KIF1A: variants seen among roughly 807,000 people sequenced by gnomAD.
KIF1A encodes the protein kinesin family member 1A, also known as kinesin-like protein KIF1A.
In KIF1A, 46 loss-of-function variants were observed where a neutral mutation model predicts 227.3. The observed-to-expected ratio is 0.20, with a 90% CI of 0.16 to 0.26. The LOEUF is 0.26. KIF1A is among the 10% of genes least tolerant of loss of function. KIF1A has a pLI of 1.00. For missense variants in KIF1A, 1,683 were observed against 2,485.9 expected (o/e 0.68, Z 6.87); for synonymous variants, 1,022 against 1,012.8 (o/e 1.01, Z -0.17).
At chr2:240,782,058 G>A in intron 10 of KIF1A, 1 of 985,330 alleles carries the variant, frequency 1.0e-6, no homozygotes, top group Non-Finnish European at 1.2e-6. Flanking sequence ...CGTTCCTGCC[G>A]GTCCCTCGAA....
chr2:240,719,048 A>G lies in KIF1A; in HGVS notation c.5172T>C (p.Thr1724=). The change falls in exon 47 of 49, where the codon ACT becomes ACC. Residue 1724 remains threonine, a synonymous_variant. Transcript: ENST00000498729. The part of the protein sequence containing the change: ...TVERFVLNLA[T]AQVEYSEDQQ... Reference sequence around the variant, plus strand: ...GGTCCTCACTGTACTCCACCTGGGCAGTGGCCAGGTTGAGCACGAACCGCT... The same window carrying G: ...GGTCCTCACTGTACTCCACCTGGGCGGTGGCCAGGTTGAGCACGAACCGCT... 6.2e-7 allele frequency: 1 copy of G among 1,611,920 alleles called. No homozygotes were observed. Among genetic ancestry groups the G allele is most frequent in the Non-Finnish European group, 8.5e-7 (1 of 1,179,350 alleles).
chr2:240,743,324 C>CT (rs1408400167), intron 33 of KIF1A, among the ~76,000 whole-genome samples: 7 of 152,200 alleles, frequency 4.6e-5, no homozygotes, highest in African/African-American at 1.7e-4. Context: ...CCAGTCCTGC[C>CT]TGACAGCTGA....
chr2:240,727,393 T>A (rs1235840209), intron 38 of KIF1A, among the ~76,000 whole-genome samples: 1 of 152,086 alleles, frequency 6.6e-6, no homozygotes, highest in Non-Finnish European at 1.5e-5. Flanking sequence ...GGGCAGAGCC[T>A]GCGCGGGCCC....
chr2:240,734,897 C>A (rs1309261110), intron 38 of KIF1A, among the ~76,000 whole-genome samples: 1 of 152,168 alleles, frequency 6.6e-6, no homozygotes, highest in South Asian at 2.1e-4. Context: ...GGGCAGGAGG[C>A]AAGGCCATGG....
At position 240,775,795 on chromosome 2, in the gene KIF1A, G is replaced by T; in HGVS notation, c.958+56C>A. The T allele has an allele frequency of 1.7e-6, 2 of 1,202,236 alleles. No homozygotes were observed. The highest frequency in any genetic ancestry group is 2.5e-6 in the Non-Finnish European group (2 of 805,148). The allele number at this position is 1,202,236 out of a possible 1,614,324, so 74.5% of individuals were successfully genotyped here. On this transcript the variant is annotated intron_variant, in intron 11 of 48. Coordinates refer to ENST00000498729, the MANE Select transcript of KIF1A (RefSeq NM_001244008.2). This position sits in a 1 kb window ranked among gnomAD's most constrained non-coding sequence, Gnocchi z 5.5. ...GGCACCCCCTCAGTGGGGAAGAAGG[G>T]CACAGCCCAGGGTGGGATCAGAGCC...
chr2:240,746,249 A>G (rs532605701), intron 29 of KIF1A, 72 bp from the exon 30 acceptor site: 16 of 1,518,008 alleles, frequency 1.1e-5, no homozygotes, highest in African/African-American at 2.8e-5. Flanking sequence ...ACCCTGCCAC[A>G]GGCCCACGGG....
chr2:240,818,647 C>T (rs2058496339), intron 1 of KIF1A: 1 of 152,768 alleles, frequency 6.5e-6, no homozygotes, highest in South Asian at 2.1e-4. Flanking sequence ...CCCACGTGGA[C>T]CCCAGAGCTT....
At position 240,718,174 on chromosome 2, in the gene KIF1A, G is replaced by A; in HGVS notation, c.5215-6C>T. The A allele has an allele frequency of 3.2e-6, 5 of 1,585,566 alleles. No individual in the cohort carries two copies. The highest frequency in any genetic ancestry group is 3.4e-6 in the Non-Finnish European group (4 of 1,163,812). ...ACCGCGAATGTGTTGGGTGTCTGCA[G>A]AGGGAGGCAGCTGGTGAGGAGGTGC... On this transcript the variant is annotated splice_polypyrimidine_tract_variant and splice_region_variant and intron_variant, in intron 47 of 48. Coordinates refer to ENST00000498729, the MANE Select transcript of KIF1A (RefSeq NM_001244008.2).
Position 240,722,035 on chromosome 2 carries a change from G to A in KIF1A, c.4666-151C>T, listed in dbSNP as rs377127167. On this transcript the variant is annotated intron_variant, in intron 43 of 48. Transcript: ENST00000498729. ...TCAAGGTGGGCAGCACCTCCACCCC[G>A]CCCAGGTCATCGGGTGAGCCCAGGA... is the stretch of plus-strand genomic sequence containing the variant. Among the ~76,000 whole-genome samples, 15 of 152,152 alleles carry A rather than the reference G, an allele frequency of 9.9e-5. No homozygotes were observed. In the East Asian group the frequency reaches 1.4e-3, roughly 14 times the overall value.
At chr2:240,781,843 C>T (rs1039455312) in intron 10 of KIF1A, 8 of 985,294 alleles carry the variant, frequency 8.1e-6, no homozygotes, top group East Asian at 1.1e-4. Flanking sequence ...TCAGTCCACA[C>T]GCCTTCTCCC....
chr2:240,725,468 C>A lies in KIF1A; in HGVS notation c.4123-64G>T. ...CCCGAGTGCCCAGGTGCCCTTCCAG[C>A]CTTCTCCTGGGGGCACAATGCCCAG... On this transcript the variant is annotated intron_variant, in intron 39 of 48. Transcript: ENST00000498729. This position sits in a 1 kb window ranked among gnomAD's most constrained non-coding sequence, Gnocchi z 5.8. 1 of 1,571,992 alleles carries A rather than the reference C, an allele frequency of 6.4e-7. No homozygotes were observed.
chr2:240,715,488 G>A lies in KIF1A; in HGVS notation c.*1876C>T, dbSNP rs1260192238. ...CCGCACCTGAGCCCAGGTACGAAAA[G>A]GCGAGCCCACAGTCCCAGCTCCCAA... On this transcript the variant is annotated 3_prime_UTR_variant, in exon 49 of 49. Transcript: ENST00000498729. 2 of 152,292 alleles carry A rather than the reference G, an allele frequency of 1.3e-5. No individual in the cohort carries two copies. The highest frequency in any genetic ancestry group is 2.4e-5 in the African/African-American group (1 of 41,426). 9.4% of individuals were successfully genotyped at this position (152,292 alleles called of 1,614,324 possible).
At position 240,775,907 on chromosome 2, in the gene KIF1A, GTCT is replaced by G. The variant is rs751165127; in HGVS notation, c.899_901del (p.Lys300del). On this transcript the variant is annotated inframe_deletion, in exon 11 of 49. Transcript: ENST00000498729. This position sits in a 1 kb window ranked among gnomAD's most constrained non-coding sequence, Gnocchi z 5.5. ...GGAATCTCGGTACGGAATGAAATCT[GTCT>G]TCTTCTTTTTCTTGTTCTGTGGGGG... 6 of 1,611,094 alleles carry G rather than the reference GTCT, an allele frequency of 3.7e-6. No individual in the cohort carries two copies. Among genetic ancestry groups the G allele is most frequent in the Admixed American group, 1.7e-5 (1 of 60,010 alleles).
At chr2:240,805,673 A>T (rs1281001602) in intron 1 of KIF1A, among the ~76,000 whole-genome samples, 3 of 152,200 alleles carry the variant, frequency 2.0e-5, no homozygotes, top group Admixed American at 2.0e-4. Flanking sequence ...AGAAAATTAG[A>T]GCAACATTCT....
rs539512868 is a variant in KIF1A at position 240,734,173 on chromosome 2, C to A, written c.4007+2890G>T. ...CTGGCCTGGCCAGGTGAGGGACTCA[C>A]GAGAGGCTGTGGAATGTGCCGGAGT... On this transcript the variant is annotated intron_variant, in intron 38 of 48. Transcript: ENST00000498729. Among the ~76,000 whole-genome samples, 26 of 152,360 alleles carry A rather than the reference C, an allele frequency of 1.7e-4. No homozygotes were observed. In the East Asian group the frequency reaches 4.8e-3, roughly 28 times the overall value.
intron 7 of KIF1A, 144 bp from the exon 8 acceptor site, chr2:240,783,960 G>A (rs868501288): frequency 1.5e-6 from 1 of 674,962 alleles, no homozygotes; most frequent in Non-Finnish European, 2.7e-6. Context: ...CCCAGGCCCA[G>A]CAGTCCTGAC....
chr2:240,718,440 C>T (rs778737389), intron 47 of KIF1A, among the ~76,000 whole-genome samples: 5 of 152,248 alleles, frequency 3.3e-5, no homozygotes, highest in Non-Finnish European at 5.9e-5. Context: ...CTCCCTGGGA[C>T]CCTGGCTGGG....
At chr2:240,791,225 C>G (rs1438876887) in intron 2 of KIF1A, among the ~76,000 whole-genome samples, 1 of 152,152 alleles carries the variant, frequency 6.6e-6, no homozygotes, top group Non-Finnish European at 1.5e-5. Context: ...CGGGACCCAA[C>G]AGCACCCGTG....
chr2:240,745,355 T>A, intron 32 of KIF1A, 72 bp downstream of exon 32: 1 of 1,175,128 alleles, frequency 8.5e-7, no homozygotes, highest in East Asian at 2.4e-5. Context: ...AGAGGGAGAA[T>A]GAGCCATGCT....
Sources: gnomAD v4.1 joint callset for allele counts (sites outside exome capture counted in the v4.1 genomes callset) on GRCh38, gnomAD v4.1.1 for gene constraint, Gnocchi (gnomAD v3.1) non-coding constraint, MANE v1.5 for transcripts, NCBI Gene and HGNC (gene_info 2026-07-23, HGNC 2026-07-21) for gene names.